The following CCDC57 variants were observed in gnomAD, a reference collection of about 807,000 sequenced individuals.
CCDC57 encodes coiled-coil domain containing 57, also known as coiled-coil domain-containing protein 57.
Under a neutral mutation model 118.9 loss-of-function variants are expected in CCDC57, and 118 were observed. The observed-to-expected ratio is 0.99, with a 90% CI of 0.86 to 1.16. CCDC57 has a LOEUF of 1.16. CCDC57 is among the 50% of genes most tolerant of loss of function. The probability of loss-of-function intolerance (pLI) is 0.00; values close to 1 mark genes in which losing one functional copy is unlikely to be tolerated. For missense variants in CCDC57, 1,300 were observed against 1,320.7 expected (o/e 0.98, Z 0.24); for synonymous variants, 527 against 532.9 (o/e 0.99, Z 0.15).
chr17:82,127,466 C>A, intron 19 of CCDC57: 4 of 985,380 alleles, frequency 4.1e-6, no homozygotes, highest in Non-Finnish European at 4.8e-6. Context: ...CGGTGCTGCA[C>A]TAGGAAATGG....
chr17:82,150,192 C>T (rs1182117985), intron 16 of CCDC57, among the ~76,000 whole-genome samples: 1 of 149,724 alleles, frequency 6.7e-6, no homozygotes, highest in African/African-American at 2.5e-5. Context: ...GAACCTGACC[C>T]GCACCTAGAA....
intron 19 of CCDC57, among the ~76,000 whole-genome samples, chr17:82,103,080 GTC>G (rs2034577191): frequency 6.6e-6 from 1 of 152,114 alleles, no homozygotes; most frequent in African/African-American, 2.4e-5. Context: ...AGCCTGTGTG[GTC>G]TGCGTGCAGC....
chr17:82,188,979 G>T (rs768565568), intron 7 of CCDC57, among the ~76,000 whole-genome samples: 4 of 152,214 alleles, frequency 2.6e-5, no homozygotes, highest in Non-Finnish European at 4.4e-5. Context: ...AAAATATTAT[G>T]TTAGCAGCCA....
chr17:82,105,946 C>T (rs999256889), intron 19 of CCDC57, among the ~76,000 whole-genome samples: 1 of 152,362 alleles, frequency 6.6e-6, no homozygotes, highest in Middle Eastern at 3.4e-3. Context: ...ATCCTTCAGG[C>T]CCCGCCTGCT....
intron 16 of CCDC57, among the ~76,000 whole-genome samples, chr17:82,140,175 TC>T (rs1181568221): frequency 1.3e-5 from 2 of 152,110 alleles, no homozygotes; most frequent in African/African-American, 4.8e-5. Flanking sequence ...AAGCTCCGCC[TC>T]CCCAGTTCAC....
chr17:82,150,855 G>A (rs1173530363), intron 16 of CCDC57, among the ~76,000 whole-genome samples: 2 of 110,580 alleles, frequency 1.8e-5, no homozygotes, highest in Non-Finnish European at 3.5e-5. Flanking sequence ...CCAGAACCAG[G>A]CGCACACCCA....
intron 19 of CCDC57, chr17:82,112,594 C>G (rs1423515569): frequency 6.6e-6 from 1 of 152,474 alleles, no homozygotes; most frequent in Non-Finnish European, 1.5e-5. Context: ...GCAGTTTCCT[C>G]CTTGCGGGAT....
intron 13 of CCDC57, among the ~76,000 whole-genome samples, chr17:82,167,412 G>A (rs966229931): frequency 4.6e-5 from 7 of 151,466 alleles, no homozygotes; most frequent in Non-Finnish European, 7.4e-5. Flanking sequence ...GTGCAGTGGC[G>A]CGATGTCGGC....
At chr17:82,123,982 C>CAAAAAAAA (rs200031813) in intron 19 of CCDC57, among the ~76,000 whole-genome samples, 412 of 62,992 alleles carry the variant, frequency 6.5e-3, no homozygotes, top group Non-Finnish European at 8.3e-3. Flanking sequence ...CATCCAAAAG[C>CAAAAAAAA]AAAAAAAAAA....
intron 5 of CCDC57, among the ~76,000 whole-genome samples, chr17:82,194,572 T>C (rs1407638751): frequency 6.6e-6 from 1 of 151,972 alleles, no homozygotes; most frequent in South Asian, 2.1e-4. Flanking sequence ...AGCCTCCCAA[T>C]GTGCTGGGAT....
At chr17:82,146,887 G>A (rs112442500) in intron 16 of CCDC57, among the ~76,000 whole-genome samples, 43 of 151,892 alleles carry the variant, frequency 2.8e-4, no homozygotes, top group Middle Eastern at 3.4e-3. Context: ...GCAAACAAAC[G>A]TGTGTGCACA....
At chr17:82,143,522 G>A (rs866052987) in intron 16 of CCDC57, among the ~76,000 whole-genome samples, 3 of 151,606 alleles carry the variant, frequency 2.0e-5, no homozygotes, top group Non-Finnish European at 2.9e-5. Flanking sequence ...CACCCCACAC[G>A]CGCACACACC....
At chr17:82,150,895 A>G (rs1429725573) in intron 16 of CCDC57, among the ~76,000 whole-genome samples, 17 of 77,568 alleles carry the variant, frequency 2.2e-4, no homozygotes, top group South Asian at 1.3e-3. Context: ...AACCTGACCC[A>G]CACCCAGAAC....
intron 19 of CCDC57, among the ~76,000 whole-genome samples, chr17:82,125,737 G>C (rs963356389): frequency 6.6e-6 from 1 of 152,082 alleles, no homozygotes; most frequent in Admixed American, 6.6e-5. Flanking sequence ...AAATAACCAA[G>C]AAAACCCTGA....
chr17:82,117,702 A>G (rs929751300), intron 19 of CCDC57, among the ~76,000 whole-genome samples: 3 of 152,134 alleles, frequency 2.0e-5, no homozygotes, highest in Non-Finnish European at 4.4e-5. Context: ...AGGCAAATTA[A>G]AACCAATAAT....
At chr17:82,147,698 T>A (rs1275901325) in intron 16 of CCDC57, among the ~76,000 whole-genome samples, 1 of 113,136 alleles carries the variant, frequency 8.8e-6, no homozygotes, top group Non-Finnish European at 1.9e-5. Context: ...GGTGGGTGGA[T>A]GGATGGATGG....
chr17:82,134,678 C>T lies in CCDC57; in HGVS notation c.2456-484G>A, dbSNP rs2038903802. ...GCGTGGTGGTGGGCACCTGTAATCCCAGCTACTCGGGAGGCTGAGGCAGAA... is the reference window on the plus strand; with the variant it reads ...GCGTGGTGGTGGGCACCTGTAATCCTAGCTACTCGGGAGGCTGAGGCAGAA... On this transcript the variant is annotated intron_variant, in intron 16 of 19. Coordinates refer to ENST00000665763, the Ensembl canonical transcript of CCDC57. Among the ~76,000 whole-genome samples, 3 of 152,248 alleles carry T rather than the reference C, an allele frequency of 2.0e-5. No homozygotes were observed. The South Asian group carries it at 6.2e-4, about 32-fold the overall frequency.
At chr17:82,163,251 G>C in exon 14 of CCDC57, 1 of 1,614,004 alleles carries the variant, frequency 6.2e-7, no homozygotes, top group Non-Finnish European at 8.5e-7. Context: ...CTCTGTCCCC[G>C]AGCTTCCTGA....
intron 8 of CCDC57, 123 bp downstream of exon 7, chr17:82,188,096 A>G (rs2047196478): frequency 1.4e-6 from 1 of 718,832 alleles, no homozygotes; most frequent in Non-Finnish European, 2.1e-6. Context: ...ACTGAGAGCT[A>G]CAGAAGCCAC....
Sources: gnomAD v4.1 joint callset for allele counts (sites outside exome capture counted in the v4.1 genomes callset) on GRCh38, gnomAD v4.1.1 for gene constraint, MANE v1.5 for transcripts, NCBI Gene and HGNC (gene_info 2026-07-23, HGNC 2026-07-21) for gene names.